Variants in ZNF534 observed in about 807,000 individuals in gnomAD.
ZNF534 encodes the protein KRAB domain only 3.
Under a neutral mutation model 13.6 loss-of-function variants are expected in ZNF534, and 19 were observed. The observed-to-expected ratio is 1.40, with a 90% CI of 0.97 to 2.05. ZNF534 has a LOEUF of 2.05. Ranked by LOEUF, ZNF534 falls within the 30% of genes most tolerant of loss-of-function variation. The probability of loss-of-function intolerance (pLI) is 0.00; values close to 1 mark genes in which losing one functional copy is unlikely to be tolerated. For missense variants in ZNF534, 782 were observed against 796.3 expected (o/e 0.98, Z 0.22); for synonymous variants, 244 against 273.8 (o/e 0.89, Z 1.07).
chr19:52,438,860 A>G lies in ZNF534; in HGVS notation c.1400A>G (p.Lys467Arg), dbSNP rs768784985. 2 of 1,610,924 alleles carry G rather than the reference A, an allele frequency of 1.2e-6. No homozygotes were observed. Among genetic ancestry groups the G allele is most frequent in the East Asian group, 2.2e-5 (1 of 44,682 alleles). The change falls in exon 5 of 5, where the codon AAA (lysine) becomes AGA (arginine). Residue 467 changes from lysine to arginine, a missense_variant. Lys to Arg is a conservative substitution (Grantham distance 26). Around this residue, in one of 5 missense-constraint regions of ZNF534, gnomAD observed 591 missense variants for 574.0 expected, o/e 1.03. Coordinates refer to ENST00000433050, the MANE Select transcript of ZNF534 (RefSeq NM_001143938.3). ...CRIHTGEKPY[K>R]CNECGKVFSQ... ...ATTCATACTGGAGAGAAGCCTTACA[A>G]ATGTAACGAATGTGGCAAGGTCTTC...
intron 4 of ZNF534, 74 bp from the exon 5 acceptor site, chr19:52,437,658 A>C: frequency 7.3e-7 from 1 of 1,375,450 alleles, no homozygotes; most frequent in Non-Finnish European, 9.7e-7. Context: ...GAAGTGATGC[A>C]GAATCTTGTT....
In ZNF534 at chr19:52,442,029, G is replaced by A. The variant is rs2059176113; in HGVS notation, c.*2583G>A. ...TGTGGCACAGGCTTTCCTGAGGCCT[G>A]CCAAATCACTAGAAATCAAAATATA... On this transcript the variant is annotated 3_prime_UTR_variant, in exon 5 of 5. Transcript: ENST00000433050. Among the ~76,000 whole-genome samples the A allele has an allele frequency of 7.3e-6, 1 of 137,590 alleles. No homozygotes were observed. Among genetic ancestry groups the A allele is most frequent in the African/African-American group, 2.7e-5 (1 of 36,616 alleles). 90.3% of individuals were successfully genotyped at this position (137,590 alleles called of 152,430 possible). A position where few individuals can be genotyped will look rare whatever the true frequency, so the allele number is the denominator to read the frequency against.
In ZNF534 at chr19:52,440,425, C is replaced by A. The variant is rs1568447133; in HGVS notation, c.*979C>A. Among the ~76,000 whole-genome samples the A allele has an allele frequency of 1.3e-5, 2 of 152,186 alleles. 1 individual carries two copies. The highest frequency in any genetic ancestry group is 4.1e-4 in the South Asian group (2 of 4,830). ...CATTGGAAAATTCATACTGTAGATA[C>A]CTTTTAAATGTAGCAAATATGGCAA... On this transcript the variant is annotated 3_prime_UTR_variant, in exon 5 of 5. Coordinates refer to ENST00000433050, the MANE Select transcript of ZNF534 (RefSeq NM_001143938.3).
intron 1 of ZNF534, among the ~76,000 whole-genome samples, chr19:52,429,566 T>C (rs1276335890): frequency 3.3e-5 from 5 of 151,898 alleles, no homozygotes; most frequent in Non-Finnish European, 7.4e-5. Context: ...CTTTAGACTG[T>C]ATCTGCTCGT....
rs568452042 is a variant in ZNF534, at chr19:52,438,534, A to G, written c.1074A>G (p.Glu358=). ...GAGAGAGACCATACAAATGTAATGA[A>G]TGTGGCAAGGGGTTTAGTCGAATTG... is the stretch of plus-strand genomic sequence containing the variant. ...HTGERPYKCN[E]CGKGFSRIAF... The change falls in exon 5 of 5, where the codon GAA becomes GAG. Residue 358 remains glutamate, a synonymous_variant. Coordinates refer to ENST00000433050, the MANE Select transcript of ZNF534 (RefSeq NM_001143938.3). 2.5e-6 allele frequency: 4 copies of G among 1,583,426 alleles called. No individual in the cohort carries two copies. In the South Asian group the frequency reaches 4.5e-5, roughly 18 times the overall value.
At chr19:52,449,870 G>A (rs8101762) in intron 4 of ZNF534, among the ~76,000 whole-genome samples, 8,661 of 151,938 alleles carry the variant, frequency 0.057, 843 homozygotes, top group African/African-American at 0.2. Context: ...AAATACAAAA[G>A]TTAGCCAGGC....
downstream of ZNF534, among the ~76,000 whole-genome samples, chr19:52,446,988 C>T (rs8110808): frequency 0.85 from 128,757 of 152,196 alleles, 56,230 homozygotes; most frequent in Non-Finnish European, 0.96. Context: ...GTTGCAGAGA[C>T]TGCATCTCTC....
exon 5 of ZNF534, chr19:52,451,545 G>T (rs1252988205): frequency 3.3e-6 from 2 of 602,840 alleles, no homozygotes; most frequent in Non-Finnish European, 2.9e-6. Context: ...GCGGAGGAGG[G>T]CGGCATGCAG....
intron 2 of ZNF534, 30 bp downstream of exon 2, chr19:52,431,519 GTC>G (rs2059087210): frequency 6.2e-7 from 1 of 1,613,820 alleles, no homozygotes; most frequent in Non-Finnish European, 8.5e-7. Context: ...GGATTGTTCT[GTC>G]TCTGTTTCTT....
chr19:52,442,808 CTG>C (rs143349386), downstream of ZNF534, among the ~76,000 whole-genome samples: 2,387 of 152,320 alleles, frequency 0.016, 76 homozygotes, highest in African/African-American at 0.055. Flanking sequence ...AAGAAGAACA[CTG>C]TCTTTTTATA....
intron 4 of ZNF534, 25 bp from the exon 5 acceptor site, chr19:52,437,707 T>A: frequency 6.5e-7 from 1 of 1,532,200 alleles, no homozygotes; most frequent in Non-Finnish European, 8.7e-7. Context: ...CGGGATTAAG[T>A]TCTAAAATTT....
Position 52,451,414 on chromosome 19 carries a change from GC to G in ZNF534, c.503del (p.Pro168LeufsTer92). On this transcript the variant is annotated frameshift_variant, in exon 5 of 5. Coordinates refer to the ZNF534 transcript ENST00000301085. LOFTEE classifies it low-confidence loss of function (END_TRUNC). ...CCACGGGACTCTCAGGGCCGGGCCC[GC>G]CCCTCGGCCGCGCAGTGCGGCGCCG... 1 of 734,094 alleles carries G rather than the reference GC, an allele frequency of 1.4e-6. No homozygotes were observed. Among genetic ancestry groups the G allele is most frequent in the Non-Finnish European group, 2.4e-6 (1 of 413,350 alleles). 45.5% of individuals were successfully genotyped at this position (734,094 alleles called of 1,614,324 possible). A position where few individuals can be genotyped will look rare whatever the true frequency, so the allele number is the denominator to read the frequency against.
intron 4 of ZNF534, among the ~76,000 whole-genome samples, chr19:52,447,924 A>G (rs948953892): frequency 6.6e-6 from 1 of 150,996 alleles, no homozygotes; most frequent in East Asian, 1.9e-4. Context: ...TTGGCAAACC[A>G]TAATAATGGT....
chr19:52,446,723 T>G (rs1220337738), downstream of ZNF534, among the ~76,000 whole-genome samples: 1 of 152,084 alleles, frequency 6.6e-6, no homozygotes, highest in Non-Finnish European at 1.5e-5. Context: ...CTGACTGTAG[T>G]AGTACATGCC....
At chr19:52,448,546 A>G (rs2059202010) in intron 4 of ZNF534, among the ~76,000 whole-genome samples, 1 of 152,220 alleles carries the variant, frequency 6.6e-6, no homozygotes, top group African/African-American at 2.4e-5. Flanking sequence ...CCTGGATGAC[A>G]GAGTGAGACC....
intron 4 of ZNF534, among the ~76,000 whole-genome samples, chr19:52,450,589 A>G (rs2059209637): frequency 6.6e-6 from 1 of 151,162 alleles, no homozygotes; most frequent in African/African-American, 2.4e-5. Flanking sequence ...CAGGTAGTGT[A>G]ATACCCCTCA....
chr19:52,445,059 G>A (rs955162493), downstream of ZNF534, among the ~76,000 whole-genome samples: 14 of 152,156 alleles, frequency 9.2e-5, no homozygotes, highest in African/African-American at 2.7e-4. Flanking sequence ...AAGTTCAACT[G>A]GAGGTTTCCT....
intron 1 of ZNF534, among the ~76,000 whole-genome samples, chr19:52,429,982 C>T (rs1296456312): frequency 1.3e-5 from 2 of 151,452 alleles, no homozygotes; most frequent in Non-Finnish European, 2.9e-5. Context: ...ACAATGCCCT[C>T]CAGGCACATG....
downstream of ZNF534, among the ~76,000 whole-genome samples, chr19:52,447,369 C>A (rs910648325): frequency 3.9e-5 from 6 of 152,112 alleles, no homozygotes; most frequent in African/African-American, 2.4e-5. Context: ...GTTTTTATTT[C>A]TTTATTTCAC....
Sources: allele counts gnomAD v4.1 joint callset (sites outside exome capture counted in the v4.1 genomes callset), GRCh38; gene constraint gnomAD v4.1.1; regional missense constraint gnomAD v4.1.1; transcripts MANE v1.5; gene names NCBI Gene and HGNC (gene_info 2026-07-23, HGNC 2026-07-21).